The following PREX2 variants were observed in gnomAD, a reference collection of about 807,000 sequenced individuals.
The protein encoded by PREX2 is phosphatidylinositol 3,4,5-trisphosphate-dependent Rac exchanger 2 protein.
In PREX2, 107 loss-of-function variants were observed where a neutral mutation model predicts 203.2. That is an observed-to-expected ratio of 0.53 (90% CI 0.45 to 0.62). PREX2 has a LOEUF of 0.62. PREX2 is among the 20% of genes least tolerant of loss of function. PREX2 has a pLI of 0.00. For synonymous variants in PREX2, 672 were observed against 663.6 expected (o/e 1.01, Z -0.19); for missense variants, 1,777 against 1,955.9 (o/e 0.91, Z 1.72).
chr8:68,153,939 G>A (rs1023709814), intron 34 of PREX2, among the ~76,000 whole-genome samples: 2 of 152,196 alleles, frequency 1.3e-5, no homozygotes, highest in African/African-American at 4.8e-5. Context: ...GATTGTAGAA[G>A]TATTCATTAA....
chr8:68,023,999 G>A (rs1442450126), intron 4 of PREX2, among the ~76,000 whole-genome samples: 1 of 151,866 alleles, frequency 6.6e-6, no homozygotes, highest in Admixed American at 6.6e-5. Context: ...CTTCAGTATA[G>A]TGTTGAATAA....
chr8:67,954,468 C>T (rs866655989), intron 1 of PREX2, among the ~76,000 whole-genome samples: 5 of 152,320 alleles, frequency 3.3e-5, no homozygotes, highest in Middle Eastern at 6.8e-3. Flanking sequence ...GATGTAGTCA[C>T]TCTGGTTTTG....
chr8:68,050,247 C>T (rs1370201974), intron 8 of PREX2, among the ~76,000 whole-genome samples: 2 of 152,072 alleles, frequency 1.3e-5, no homozygotes, highest in Non-Finnish European at 2.9e-5. Context: ...TTAGTCCATT[C>T]TTGCACTGCT....
intron 11 of PREX2, among the ~76,000 whole-genome samples, chr8:68,063,419 AC>A (rs1469992368): frequency 6.6e-6 from 1 of 152,142 alleles, no homozygotes; most frequent in Non-Finnish European, 1.5e-5. Context: ...TTAAAAAAAC[AC>A]AAAACACAAG....
chr8:68,066,091 A>G (rs1348326963), intron 11 of PREX2, among the ~76,000 whole-genome samples: 1 of 152,142 alleles, frequency 6.6e-6, no homozygotes, highest in East Asian at 1.9e-4. Context: ...GGAATACATT[A>G]TATCATATTT....
chr8:68,006,392 G>A (rs1807094209), intron 1 of PREX2, among the ~76,000 whole-genome samples: 1 of 152,110 alleles, frequency 6.6e-6, no homozygotes, highest in African/African-American at 2.4e-5. Context: ...TATTAGGCCT[G>A]GGGCTGAAAC....
At chr8:68,033,042 G>T (rs906975180) in intron 6 of PREX2, among the ~76,000 whole-genome samples, 2 of 152,068 alleles carry the variant, frequency 1.3e-5, no homozygotes, top group Non-Finnish European at 2.9e-5. Context: ...ATTATGGGTG[G>T]ATTATTCTCT....
intron 21 of PREX2, among the ~76,000 whole-genome samples, chr8:68,095,537 ATGTGTGTG>A (rs144155575): frequency 6.8e-6 from 1 of 146,094 alleles, no homozygotes; most frequent in Admixed American, 6.9e-5. Flanking sequence ...ACATACATAT[ATGTGTGTG>A]TGTGTGTGTG....
chr8:68,080,601 T>C lies in PREX2; in HGVS notation c.1785+16T>C. On this transcript the variant is annotated intron_variant, in intron 16 of 39. Coordinates refer to ENST00000288368, the MANE Select transcript of PREX2 (RefSeq NM_024870.4). Reference sequence around the variant, plus strand: ...GTCATTATTGGTAAGTTTATTGATATGTTATATAAGTTTTCTTCTTGATTA... The same window carrying C: ...GTCATTATTGGTAAGTTTATTGATACGTTATATAAGTTTTCTTCTTGATTA... The C allele has an allele frequency of 1.9e-6, 3 of 1,578,082 alleles. No homozygotes were observed. Among genetic ancestry groups the C allele is most frequent in the South Asian group, 1.1e-5 (1 of 87,440 alleles).
intron 1 of PREX2, among the ~76,000 whole-genome samples, chr8:67,975,361 G>C (rs190536448): frequency 6.7e-6 from 1 of 149,314 alleles, no homozygotes; most frequent in African/African-American, 2.5e-5. Context: ...CTGTAGGCAG[G>C]AACTGGGCCT....
At chr8:68,110,765 G>T (rs1395855118) in intron 25 of PREX2, among the ~76,000 whole-genome samples, 1 of 152,070 alleles carries the variant, frequency 6.6e-6, no homozygotes, top group Non-Finnish European at 1.5e-5. Context: ...GAAATTTAGA[G>T]ATCAAAATCA....
At chr8:68,215,698 G>T (rs1812822709) in intron 37 of PREX2, among the ~76,000 whole-genome samples, 1 of 121,402 alleles carries the variant, frequency 8.2e-6, no homozygotes, top group Non-Finnish European at 1.6e-5. Flanking sequence ...CCACCACCTG[G>T]CTGATTTTTT....
At chr8:68,158,126 T>C (rs1021469515) in intron 35 of PREX2, among the ~76,000 whole-genome samples, 24 of 146,546 alleles carry the variant, frequency 1.6e-4, no homozygotes, top group African/African-American at 6.3e-4. Context: ...TATATATGTA[T>C]ATATATATAC....
chr8:68,077,323 A>G, intron 14 of PREX2, 74 bp from the exon 15 acceptor site: 4 of 999,716 alleles, frequency 4.0e-6, no homozygotes, highest in Non-Finnish European at 6.5e-6. Flanking sequence ...GGTGCTGGGA[A>G]TGTTAAATGG....
chr8:68,125,048 T>C (rs992889470), intron 30 of PREX2, among the ~76,000 whole-genome samples: 14 of 152,122 alleles, frequency 9.2e-5, no homozygotes, highest in South Asian at 2.1e-4. Context: ...TTGCTTCATC[T>C]CAATGGACTA....
At chr8:68,157,940 A>C (rs113773051) in intron 35 of PREX2, among the ~76,000 whole-genome samples, 2,719 of 151,882 alleles carry the variant, frequency 0.018, 92 homozygotes, top group African/African-American at 0.062. Context: ...TTTTCCCCCC[A>C]AAAAATAGTG....
intron 11 of PREX2, among the ~76,000 whole-genome samples, chr8:68,066,104 T>C (rs1809009140): frequency 6.6e-6 from 1 of 152,188 alleles, no homozygotes; most frequent in African/African-American, 2.4e-5. Flanking sequence ...TCATATTTTC[T>C]GTACCTATCC....
rs1021652739 is a variant in PREX2 at position 68,093,500 on chromosome 8, T to C, written c.2251-105T>C. On this transcript the variant is annotated intron_variant, in intron 20 of 39. Coordinates refer to ENST00000288368, the MANE Select transcript of PREX2 (RefSeq NM_024870.4). Reference sequence around the variant, plus strand: ...ATTGTATCTCTCTTTCAAATTTTACTAATTTTAAAGAATCTAGAGGAATAA... The same window carrying C: ...ATTGTATCTCTCTTTCAAATTTTACCAATTTTAAAGAATCTAGAGGAATAA... 4 of 518,768 alleles carry C rather than the reference T, an allele frequency of 7.7e-6. No homozygotes were observed. In the African/African-American group the frequency reaches 7.7e-5, roughly 10 times the overall value. 32.1% of individuals were successfully genotyped at this position (518,768 alleles called of 1,614,324 possible). A position where few individuals can be genotyped will look rare whatever the true frequency, so the allele number is the denominator to read the frequency against.
Position 68,080,778 on chromosome 8 carries a change from A to G in PREX2, c.1818A>G (p.Gly606=), listed in dbSNP as rs12682458. ...IKSNEGSYGF[G]LEDKNKVPII... ...CCAATGAAGGCAGCTATGGCTTTGG[A>G]TTAGAAGACAAAAATAAAGTTCCAA... is the stretch of plus-strand genomic sequence containing the variant. Residue 606 remains glycine, a synonymous_variant, in exon 17 of 40, where the codon GGA becomes GGG. Coordinates refer to ENST00000288368, the MANE Select transcript of PREX2 (RefSeq NM_024870.4). 818,856 of 1,539,018 alleles carry G rather than the reference A, an allele frequency of 0.53. 220,698 individuals are homozygous for G. Among genetic ancestry groups the G allele is most frequent in the South Asian group, 0.56 (48,219 of 86,850 alleles).
Sources: gnomAD v4.1 joint callset for allele counts (sites outside exome capture counted in the v4.1 genomes callset) on GRCh38, gnomAD v4.1.1 for gene constraint, MANE v1.5 for transcripts, NCBI Gene and HGNC (gene_info 2026-07-23, HGNC 2026-07-21) for gene names.